The following NHSL1 variants were observed in gnomAD, a reference collection of about 807,000 sequenced individuals.
The protein encoded by NHSL1 is NHS-like protein 1.
A neutral mutation model predicts 95.0 loss-of-function variants in NHSL1; 48 were observed. The observed-to-expected ratio is 0.51, with a 90% confidence interval of 0.40 to 0.64. The LOEUF is 0.64. NHSL1 is among the 30% of genes least tolerant of loss of function. The pLI, the probability that NHSL1 is intolerant of heterozygous loss-of-function variation, is 0.00. For synonymous variants in NHSL1, 783 were observed against 833.9 expected, an observed-to-expected ratio of 0.94 and a Z score of 1.05; for missense variants, 1,971 against 2,077.7, an observed-to-expected ratio of 0.95 and a Z score of 1.00.
intron 1 of NHSL1, among the ~76,000 whole-genome samples, chr6:138,608,460 A>T (rs1004642578): frequency 2.6e-5 from 4 of 152,172 alleles, no homozygotes; most frequent in African/African-American, 9.7e-5. Flanking sequence ...TGGAGTTGAA[A>T]ATTTTAAAAT....
chr6:138,562,399 C>A (rs1222970929), intron 1 of NHSL1, among the ~76,000 whole-genome samples: 1 of 152,176 alleles, frequency 6.6e-6, no homozygotes, highest in African/African-American at 2.4e-5. Flanking sequence ...GTAATCCCAG[C>A]ACTTTGGGAG....
intron 1 of NHSL1, among the ~76,000 whole-genome samples, chr6:138,637,684 C>T (rs2114675432): frequency 6.6e-6 from 1 of 152,312 alleles, no homozygotes; most frequent in South Asian, 2.1e-4. Context: ...GAGATATCAT[C>T]TCACCCCAGT....
At chr6:138,545,903 A>G (rs1044446048), upstream of NHSL1, 4 of 891,928 alleles carry the variant, frequency 4.5e-6, no homozygotes, top group East Asian at 2.4e-4. Flanking sequence ...AGGGGTTAGC[A>G]GTCACCGTTC....
intron 3 of NHSL1, among the ~76,000 whole-genome samples, chr6:138,467,350 T>C (rs4896360): frequency 0.27 from 40,952 of 151,902 alleles, 6,457 homozygotes; most frequent in African/African-American, 0.41. Flanking sequence ...GACGGGGTTT[T>C]GCCGTGTTAG....
chr6:138,610,485 C>CAT (rs1039029224), intron 1 of NHSL1, among the ~76,000 whole-genome samples: 1 of 151,018 alleles, frequency 6.6e-6, no homozygotes, highest in Non-Finnish European at 1.5e-5. Context: ...CACATGTATA[C>CAT]ATATGTTACA....
rs1390683372 is a variant in NHSL1 at position 138,432,081 on chromosome 6, T to C, written c.2264A>G (p.Asn755Ser). The change falls in exon 6 of 8, where the codon AAT (asparagine) becomes AGT (serine). Residue 755 changes from asparagine (N) to serine (S), a missense_variant. By Grantham distance (46) the Asn-to-Ser change is conservative. Transcript: ENST00000343505. This position sits in a 1 kb window ranked among gnomAD's most constrained non-coding sequence, Gnocchi z 4.4. ...GSSMTSATTP[N>S]VYSLCGATPS... ...CGTGGCCCCGCACAGGGAGTAGACATTGGGGGTGGTGGCGGAAGTCATGCT... is the reference window on the plus strand; with the variant it reads ...CGTGGCCCCGCACAGGGAGTAGACACTGGGGGTGGTGGCGGAAGTCATGCT... 3.2e-6 allele frequency: 5 copies of C among 1,551,450 alleles called. No homozygotes were observed. The highest frequency in any genetic ancestry group is 2.7e-5 in the African/African-American group (2 of 73,024).
At chr6:138,508,295 G>A (rs1781061677) in intron 1 of NHSL1, among the ~76,000 whole-genome samples, 1 of 152,208 alleles carries the variant, frequency 6.6e-6, no homozygotes, top group Non-Finnish European at 1.5e-5. Flanking sequence ...GCATGGCTGG[G>A]ATCATCCAGA....
At chr6:138,596,021 A>C (rs1356311352) in intron 1 of NHSL1, among the ~76,000 whole-genome samples, 1 of 152,228 alleles carries the variant, frequency 6.6e-6, no homozygotes. Flanking sequence ...CCCTACTTGG[A>C]AGCTAAAACC....
At chr6:138,679,881 C>A (rs1165249259) in intron 1 of NHSL1, among the ~76,000 whole-genome samples, 1 of 152,070 alleles carries the variant, frequency 6.6e-6, no homozygotes, top group African/African-American at 2.4e-5. Flanking sequence ...GCACCCACTT[C>A]AGTTTAAAAT....
At chr6:138,665,549 T>C (rs1219288212) in intron 1 of NHSL1, among the ~76,000 whole-genome samples, 2 of 152,218 alleles carry the variant, frequency 1.3e-5, no homozygotes, top group African/African-American at 4.8e-5. Flanking sequence ...TGACTCACAG[T>C]GCTGCTCAGC....
At chr6:138,450,655 T>C (rs1017215507) in intron 3 of NHSL1, among the ~76,000 whole-genome samples, 5 of 152,216 alleles carry the variant, frequency 3.3e-5, no homozygotes, top group Admixed American at 6.5e-5. Context: ...CACTCCAGCA[T>C]GACAACTGAC....
chr6:138,482,197 C>T (rs1046047217), intron 2 of NHSL1, among the ~76,000 whole-genome samples: 2 of 152,094 alleles, frequency 1.3e-5, no homozygotes, highest in Non-Finnish European at 2.9e-5. Context: ...GCCTGTAATC[C>T]CAACATTTGG....
chr6:138,498,791 A>G (rs1312833465), intron 1 of NHSL1, among the ~76,000 whole-genome samples: 1 of 152,198 alleles, frequency 6.6e-6, no homozygotes, highest in Non-Finnish European at 1.5e-5. Context: ...TCCACCAGAA[A>G]TATGTGATAC....
At chr6:138,545,014 G>A (rs572465593) in intron 1 of NHSL1, among the ~76,000 whole-genome samples, 37 of 97,326 alleles carry the variant, frequency 3.8e-4, no homozygotes, top group Non-Finnish European at 6.0e-4. Flanking sequence ...TTTTGAGACC[G>A]AGTTTCACTC....
rs2114776091 is a variant in NHSL1 at position 138,676,829 on chromosome 6, AT to A, written c.96+15646del. Among the ~76,000 whole-genome samples the A allele has an allele frequency of 2.0e-5, 3 of 152,192 alleles. No homozygotes were observed. The East Asian group carries it at 5.8e-4, about 29-fold the overall frequency. ...GCCACTACACCTGGCTAATTTTTGT[AT>A]TTTTAGTAGAGACGAGGTTTCACTA... On this transcript the variant is annotated intron_variant, in intron 1 of 3. Coordinates refer to the NHSL1 transcript ENST00000491526.
intron 2 of NHSL1, among the ~76,000 whole-genome samples, chr6:138,486,626 A>G (rs1779747102): frequency 6.6e-6 from 1 of 151,850 alleles, no homozygotes; most frequent in Non-Finnish European, 1.5e-5. Flanking sequence ...CCCCAATCTC[A>G]TCACTCCACA....
intron 1 of NHSL1, among the ~76,000 whole-genome samples, chr6:138,514,059 G>A (rs1050024398): frequency 2.0e-5 from 3 of 152,186 alleles, no homozygotes; most frequent in Non-Finnish European, 2.9e-5. Flanking sequence ...GCTCACGCCT[G>A]TAATCTCAGC....
chr6:138,590,106 T>C (rs1784202630), intron 1 of NHSL1, among the ~76,000 whole-genome samples: 2 of 152,214 alleles, frequency 1.3e-5, no homozygotes, highest in Non-Finnish European at 2.9e-5. Flanking sequence ...CAAGCGATTC[T>C]CCTGCCTCAG....
intron 1 of NHSL1, among the ~76,000 whole-genome samples, chr6:138,582,852 C>T (rs1349189278): frequency 1.3e-5 from 2 of 152,160 alleles, no homozygotes; most frequent in African/African-American, 4.8e-5. Context: ...AAACTTCTGC[C>T]GGGAGCTGTC....
Sources: gnomAD v4.1 joint callset for allele counts (sites outside exome capture counted in the v4.1 genomes callset) on GRCh38, gnomAD v4.1.1 for gene constraint, Gnocchi (gnomAD v3.1) non-coding constraint, MANE v1.5 for transcripts, NCBI Gene and HGNC (gene_info 2026-07-23, HGNC 2026-07-21) for gene names.